The following LEF1 variants were observed in gnomAD, a reference collection of about 807,000 sequenced individuals.
LEF1 encodes lymphoid enhancer binding factor 1.
Under a neutral mutation model 51.2 loss-of-function variants are expected in LEF1, and 14 were observed. That is an observed-to-expected ratio of 0.27 (90% confidence interval 0.18 to 0.43). The LOEUF (loss-of-function observed/expected upper bound fraction) is 0.43. Among genes scored for constraint, LEF1 ranks in the 20% least tolerant of loss-of-function variants. The pLI, the probability that LEF1 is intolerant of heterozygous loss-of-function variation, is 1.00. For synonymous variants in LEF1, 185 were observed against 183.2 expected (o/e 1.01, Z -0.08); for missense variants, 386 against 512.0 (o/e 0.75, Z 2.37).
Position 108,078,368 on chromosome 4 carries a change from T to C in LEF1, c.860A>G (p.Glu287Gly), listed in dbSNP as rs1311779678. The change falls in exon 8 of 12, where the codon GAA (glutamate) becomes GGA (glycine). Residue 287 changes from glutamate (E) to glycine (G), a missense_variant. By Grantham distance (98) the Glu-to-Gly change is moderately conservative. Around this residue, in one of 2 missense-constraint regions of LEF1, gnomAD observed 335 missense variants for 390.7 expected, o/e 0.86. Transcript: ENST00000265165. ...SDLMHVKPQH[E>G]QRKEQEPKRP... ...TTTTGGCTCCTGCTCCTTTCTCTGT[T>C]CATGCTGAGGCTTCCTAAAAGGTGG... The C allele has an allele frequency of 6.2e-7, 1 of 1,614,168 alleles. No homozygotes were observed.
intron 3 of LEF1, among the ~76,000 whole-genome samples, chr4:108,124,994 T>A (rs1291860799): frequency 6.6e-6 from 1 of 152,164 alleles, no homozygotes; most frequent in African/African-American, 2.4e-5. Context: ...AAAAGGCTAA[T>A]CATATAGAGT....
intron 3 of LEF1, among the ~76,000 whole-genome samples, chr4:108,107,938 C>G (rs1741278258): frequency 6.6e-6 from 1 of 152,126 alleles, no homozygotes; most frequent in Non-Finnish European, 1.5e-5. Flanking sequence ...GCTAGGAGAT[C>G]CCCAGAAAGC....
At position 108,089,183 on chromosome 4, in the gene LEF1, C is replaced by A. The variant is rs138774973; in HGVS notation, c.489G>T (p.Glu163Asp). Residue 163 changes from glutamate to aspartate, a missense_variant, in exon 4 of 12, where the codon GAG becomes GAT. Transcript: ENST00000265165. ...ACGGGTGTGATCCTGGAGAAAAGTG[C>A]TCGTCACTGTAAGTGATGAGGGGGG... ...PLTPLITYSD[E>D]HFSPGSHPSH... The A allele has an allele frequency of 1.2e-3, 1,876 of 1,614,056 alleles. 1 individual carries two copies. Among genetic ancestry groups the A allele is most frequent in the Non-Finnish European group, 1.5e-3 (1,720 of 1,179,998 alleles).
chr4:108,108,877 T>G (rs72660420), intron 3 of LEF1, among the ~76,000 whole-genome samples: 1 of 152,316 alleles, frequency 6.6e-6, no homozygotes, highest in Non-Finnish European at 1.5e-5. Context: ...AGATCTGGAC[T>G]GAAGATCGTA....
At chr4:108,110,475 G>A in intron 3 of LEF1, among the ~76,000 whole-genome samples, 1 of 152,038 alleles carries the variant, frequency 6.6e-6, no homozygotes, top group Middle Eastern at 3.2e-3. Flanking sequence ...AATTTTTATG[G>A]ATATTTTAAA....
At chr4:108,154,888 A>C (rs1031122531) in intron 3 of LEF1, among the ~76,000 whole-genome samples, 5 of 152,206 alleles carry the variant, frequency 3.3e-5, no homozygotes, top group African/African-American at 1.2e-4. Flanking sequence ...AAAGAAAAAG[A>C]AAAGTCCTGA....
chr4:108,060,420 C>T (rs1455203537), intron 11 of LEF1, among the ~76,000 whole-genome samples: 1 of 152,160 alleles, frequency 6.6e-6, no homozygotes. Context: ...ACGCTGGGCA[C>T]AATCCTTCAC....
At chr4:108,155,718 G>A (rs996191588) in intron 3 of LEF1, among the ~76,000 whole-genome samples, 1 of 152,134 alleles carries the variant, frequency 6.6e-6, no homozygotes, top group Non-Finnish European at 1.5e-5. Context: ...AGACAAGCCC[G>A]ATATTAATAT....
intron 8 of LEF1, among the ~76,000 whole-genome samples, chr4:108,075,928 T>C (rs1738825231): frequency 6.6e-6 from 1 of 152,194 alleles, no homozygotes; most frequent in Non-Finnish European, 1.5e-5. Context: ...CATTCTTCCA[T>C]GTAAAGCCTC....
At chr4:108,157,897 T>C (rs377260777) in intron 3 of LEF1, among the ~76,000 whole-genome samples, 3 of 152,330 alleles carry the variant, frequency 2.0e-5, no homozygotes, top group East Asian at 3.9e-4. Context: ...AGAGACTTTA[T>C]AATCCTCTAC....
At chr4:108,078,037 C>T (rs112321319) in intron 8 of LEF1, among the ~76,000 whole-genome samples, 183 bp downstream of exon 8, 1,021 of 89,750 alleles carry the variant, frequency 0.011, 10 homozygotes, top group African/African-American at 0.026. Flanking sequence ...CAGAGTGAGA[C>T]GCTGTCTCAA....
intron 3 of LEF1, among the ~76,000 whole-genome samples, chr4:108,117,437 C>T (rs1741906915): frequency 6.6e-6 from 1 of 152,170 alleles, no homozygotes; most frequent in African/African-American, 2.4e-5. Context: ...TTTGCACATC[C>T]CAAAAGAAAA....
chr4:108,165,279 T>C (rs1745315329), intron 1 of LEF1, 116 bp from the exon 2 acceptor site: 1 of 876,082 alleles, frequency 1.1e-6, no homozygotes, highest in Admixed American at 1.8e-5. Context: ...GGGGCAACTC[T>C]GTTTTATACT....
intron 11 of LEF1, among the ~76,000 whole-genome samples, chr4:108,050,380 AG>A (rs1253298385): frequency 9.9e-5 from 15 of 152,156 alleles, no homozygotes; most frequent in Admixed American, 9.8e-4. Flanking sequence ...TGGAGGTGTT[AG>A]CCCTGCTTGA....
rs67372037 is a variant in LEF1 at position 108,099,542 on chromosome 4, A to ATG, written c.415-10287_415-10286dup. Among the ~76,000 whole-genome samples, 20 of 116,990 alleles carry ATG rather than the reference A, an allele frequency of 1.7e-4. 1 individual carries two copies. The highest frequency in any genetic ancestry group is 5.2e-4 in the African/African-American group (14 of 27,132). 76.7% of individuals were successfully genotyped at this position (116,990 alleles called of 152,430 possible). A position where few individuals can be genotyped will look rare whatever the true frequency, so the allele number is the denominator to read the frequency against. On this transcript the variant is annotated intron_variant, in intron 3 of 11. Transcript: ENST00000265165. ...TGTATATATATATATATATGTGTAT[A>ATG]TGTGTGTGTGTGTATGTGTGTGTGT...
intron 11 of LEF1, among the ~76,000 whole-genome samples, chr4:108,054,417 G>A (rs1028027619): frequency 3.3e-5 from 5 of 152,234 alleles, no homozygotes; most frequent in Non-Finnish European, 5.9e-5. Flanking sequence ...GCTGCTACTC[G>A]CCAGCTGCAT....
chr4:108,083,028 A>T (rs1314944663), intron 5 of LEF1, among the ~76,000 whole-genome samples: 2 of 152,206 alleles, frequency 1.3e-5, no homozygotes, highest in African/African-American at 4.8e-5. Flanking sequence ...TTCATTAAAA[A>T]ACCTAGAAAA....
chr4:108,067,197 A>C (rs1738134876), intron 9 of LEF1, among the ~76,000 whole-genome samples: 1 of 152,230 alleles, frequency 6.6e-6, no homozygotes, highest in East Asian at 1.9e-4. Flanking sequence ...GAATATGCAA[A>C]ACAATTTCCT....
At chr4:108,132,294 C>G (rs1172955556) in intron 3 of LEF1, among the ~76,000 whole-genome samples, 1 of 152,170 alleles carries the variant, frequency 6.6e-6, no homozygotes, top group Non-Finnish European at 1.5e-5. Context: ...GGAATACTAT[C>G]CCATTCTGTA....
Sources: gnomAD v4.1 joint callset for allele counts (sites outside exome capture counted in the v4.1 genomes callset) on GRCh38, gnomAD v4.1.1 for gene constraint, gnomAD v4.1.1 regional missense constraint, MANE v1.5 for transcripts, NCBI Gene and HGNC (gene_info 2026-07-23, HGNC 2026-07-21) for gene names.